CAMK1D: variants seen among roughly 807,000 people sequenced by gnomAD.
The protein encoded by CAMK1D is calcium/calmodulin-dependent protein kinase type 1D.
CAMK1D carries 9 observed loss-of-function variants against 47.7 expected under a neutral mutation model. The observed-to-expected ratio is 0.19, with a 90% CI of 0.11 to 0.33. The LOEUF (loss-of-function observed/expected upper bound fraction) is 0.33. Ranked by LOEUF, CAMK1D falls within the 10% of genes least tolerant of loss-of-function variation. CAMK1D has a pLI of 1.00. For missense variants in CAMK1D, 291 were observed against 488.7 expected (o/e 0.60, Z 3.81); for synonymous variants, 184 against 184.9 (o/e 0.99, Z 0.04).
chr10:12,581,504 A>G (rs1346951358), intron 2 of CAMK1D, among the ~76,000 whole-genome samples: 1 of 152,186 alleles, frequency 6.6e-6, no homozygotes, highest in Admixed American at 6.5e-5. Flanking sequence ...CATTTCCACC[A>G]GCAGTGTAGA....
intron 1 of CAMK1D, among the ~76,000 whole-genome samples, chr10:12,536,302 G>A (rs537323935): frequency 4.0e-5 from 6 of 151,762 alleles, no homozygotes; most frequent in African/African-American, 7.2e-5. Context: ...TTTTTGAGAC[G>A]GAGGCTCACT....
intron 3 of CAMK1D, among the ~76,000 whole-genome samples, chr10:12,719,935 T>C (rs994912606): frequency 1.3e-5 from 2 of 152,188 alleles, no homozygotes; most frequent in Admixed American, 6.5e-5. Context: ...CACAGAAGAA[T>C]TACCTGAGGG....
At chr10:12,793,119 G>A (rs561620699) in intron 6 of CAMK1D, among the ~76,000 whole-genome samples, 1 of 152,092 alleles carries the variant, frequency 6.6e-6, no homozygotes, top group African/African-American at 2.4e-5. Flanking sequence ...CAGAGGTCCT[G>A]CCTCATCCAG....
chr10:12,800,740 G>T (rs1838390611), intron 6 of CAMK1D, among the ~76,000 whole-genome samples: 1 of 152,174 alleles, frequency 6.6e-6, no homozygotes, highest in African/African-American at 2.4e-5. Flanking sequence ...AGCTGTTCTA[G>T]AATTGAGCCA....
chr10:12,742,636 G>C (rs1835484251), intron 3 of CAMK1D, among the ~76,000 whole-genome samples: 1 of 152,190 alleles, frequency 6.6e-6, no homozygotes, highest in Non-Finnish European at 1.5e-5. Flanking sequence ...TTTCAGCTCA[G>C]TGAAGTTCTT....
At chr10:12,716,317 C>T (rs1333624483) in intron 3 of CAMK1D, among the ~76,000 whole-genome samples, 1 of 152,166 alleles carries the variant, frequency 6.6e-6, no homozygotes, top group Admixed American at 6.5e-5. Context: ...ATGCCAGTAG[C>T]ATCCCCGGTC....
At chr10:12,565,505 C>T (rs1490262294) in intron 2 of CAMK1D, among the ~76,000 whole-genome samples, 1 of 152,204 alleles carries the variant, frequency 6.6e-6, no homozygotes, top group Non-Finnish European at 1.5e-5. Context: ...CTGCCCGCCT[C>T]GGCCTCCCAA....
intron 3 of CAMK1D, among the ~76,000 whole-genome samples, chr10:12,756,174 T>G (rs1198996923): frequency 6.6e-6 from 1 of 152,390 alleles, no homozygotes; most frequent in East Asian, 1.9e-4. Context: ...AATGGATTAT[T>G]GGAGCCTGCT....
chr10:12,359,363 G>A (rs559874981), intron 1 of CAMK1D, among the ~76,000 whole-genome samples: 3 of 152,314 alleles, frequency 2.0e-5, no homozygotes, highest in Admixed American at 6.5e-5. Flanking sequence ...AAGGCCCGCT[G>A]AGCCATTCAA....
chr10:12,694,306 A>AGT (rs1564498688), intron 3 of CAMK1D, among the ~76,000 whole-genome samples: 1 of 56,382 alleles, frequency 1.8e-5, no homozygotes, highest in African/African-American at 7.4e-5. Context: ...TTATATATAA[A>AGT]ATATATAAAA....
intron 5 of CAMK1D, among the ~76,000 whole-genome samples, chr10:12,772,173 G>C (rs754277303): frequency 6.6e-6 from 1 of 152,160 alleles, no homozygotes; most frequent in Non-Finnish European, 1.5e-5. Context: ...GGGTGGTGAC[G>C]GGAGGAAAGA....
chr10:12,719,225 G>A (rs998668533), intron 3 of CAMK1D, among the ~76,000 whole-genome samples: 1 of 151,858 alleles, frequency 6.6e-6, no homozygotes, highest in South Asian at 2.1e-4. Flanking sequence ...TGGCCAACAT[G>A]ATGAAACCCC....
At chr10:12,393,634 C>G (rs995858380) in intron 1 of CAMK1D, among the ~76,000 whole-genome samples, 2 of 152,186 alleles carry the variant, frequency 1.3e-5, no homozygotes, top group African/African-American at 4.8e-5. Context: ...AAGCAGAGAC[C>G]AAATCAATGC....
At chr10:12,549,748 A>G (rs1281188689) in intron 1 of CAMK1D, among the ~76,000 whole-genome samples, 2 of 152,302 alleles carry the variant, frequency 1.3e-5, no homozygotes, top group East Asian at 1.9e-4. Context: ...GGGGCGCCAC[A>G]TAGCCCATCC....
chr10:12,512,827 A>G (rs1835079894), intron 1 of CAMK1D, among the ~76,000 whole-genome samples: 1 of 152,190 alleles, frequency 6.6e-6, no homozygotes, highest in South Asian at 2.1e-4. Flanking sequence ...AGGTGATTTC[A>G]GGGTGTTCTG....
intron 2 of CAMK1D, among the ~76,000 whole-genome samples, chr10:12,589,709 G>A (rs570945164): frequency 2.0e-5 from 3 of 152,148 alleles, no homozygotes; most frequent in African/African-American, 7.2e-5. Flanking sequence ...TGGGCAGGGG[G>A]CAGCAGGAAT....
chr10:12,534,405 C>T (rs185750942), intron 1 of CAMK1D, among the ~76,000 whole-genome samples: 8 of 152,178 alleles, frequency 5.3e-5, no homozygotes, highest in African/African-American at 1.7e-4. Flanking sequence ...CTTGCTCTGT[C>T]GCCCAGGCTG....
At chr10:12,490,681 C>A (rs1834356417) in intron 1 of CAMK1D, among the ~76,000 whole-genome samples, 1 of 152,126 alleles carries the variant, frequency 6.6e-6, no homozygotes, top group African/African-American at 2.4e-5. Context: ...CCTGTCTCTA[C>A]TAAAAATACA....
intron 1 of CAMK1D, among the ~76,000 whole-genome samples, chr10:12,380,597 C>G (rs1467756724): frequency 6.6e-6 from 1 of 152,174 alleles, no homozygotes; most frequent in East Asian, 1.9e-4. Flanking sequence ...GTGGCTCATG[C>G]CTGTAATCCC....
Sources: allele counts gnomAD v4.1 joint callset (sites outside exome capture counted in the v4.1 genomes callset), GRCh38; gene constraint gnomAD v4.1.1; transcripts MANE v1.5; gene names NCBI Gene and HGNC (gene_info 2026-07-23, HGNC 2026-07-21).